NTM: variants seen among roughly 807,000 people sequenced by gnomAD.
NTM encodes the protein IgLON family member 2.
NTM carries 13 observed loss-of-function variants against 42.1 expected under a neutral mutation model. The observed-to-expected ratio is 0.31, with a 90% confidence interval of 0.20 to 0.49. The LOEUF is 0.49. NTM is among the 20% of genes least tolerant of loss of function. The pLI is 0.99. For missense variants in NTM, 373 were observed against 452.8 expected (o/e 0.82, Z 1.60); for synonymous variants, 187 against 179.2 (o/e 1.04, Z -0.35).
chr11:132,110,843 T>A (rs772409533), intron 2 of NTM, among the ~76,000 whole-genome samples: 2 of 151,812 alleles, frequency 1.3e-5, no homozygotes, highest in Admixed American at 6.6e-5. Flanking sequence ...GAGACCAGCC[T>A]GGGCAACATA....
At chr11:132,117,687 G>T (rs2064104015) in intron 2 of NTM, among the ~76,000 whole-genome samples, 1 of 152,144 alleles carries the variant, frequency 6.6e-6, no homozygotes, top group Admixed American at 6.5e-5. Context: ...GTCTGCATTG[G>T]ATTTACTCTC....
chr11:131,539,014 T>C (rs1038861174), intron 1 of NTM: 8 of 147,866 alleles, frequency 5.4e-5, no homozygotes, highest in African/African-American at 2.0e-4. Flanking sequence ...CTCACCGCAG[T>C]CTCTACCTCC....
At chr11:131,937,679 A>G (rs560832428) in intron 2 of NTM, among the ~76,000 whole-genome samples, 1 of 152,314 alleles carries the variant, frequency 6.6e-6, no homozygotes, top group African/African-American at 2.4e-5. Flanking sequence ...TTCTACACTT[A>G]ATGCCTCGGT....
At chr11:132,159,426 A>G (rs1053664570) in intron 3 of NTM, among the ~76,000 whole-genome samples, 5 of 152,214 alleles carry the variant, frequency 3.3e-5, no homozygotes, top group Admixed American at 2.6e-4. Context: ...AAGGGAAAAA[A>G]TGTGCCAGAC....
chr11:131,427,600 T>C (rs77937000), intron 1 of NTM, among the ~76,000 whole-genome samples: 2,515 of 152,306 alleles, frequency 0.017, 26 homozygotes, highest in Middle Eastern at 0.034. Flanking sequence ...TGTCCCTCGG[T>C]GTTCTACCTG....
At chr11:131,879,836 C>G (rs1366648497) in intron 1 of NTM, among the ~76,000 whole-genome samples, 1 of 152,060 alleles carries the variant, frequency 6.6e-6, no homozygotes, top group African/African-American at 2.4e-5. Flanking sequence ...CATATATAGT[C>G]TTCTTTATGT....
rs186143502 is a variant in NTM at position 132,159,920 on chromosome 11, T to C, written c.400+13406T>C. 4.6e-5 allele frequency among the ~76,000 whole-genome samples: 7 copies of C among 152,330 alleles called. No homozygotes were observed. The East Asian group carries it at 1.4e-3, about 29-fold the overall frequency. ...GCTGATTAGTAGGAACTGTGTCAAATAGGTGAGCAGGCCTGTTCTGGGTTT... is the reference window on the plus strand; with the variant it reads ...GCTGATTAGTAGGAACTGTGTCAAACAGGTGAGCAGGCCTGTTCTGGGTTT... On this transcript the variant is annotated intron_variant, in intron 3 of 8. Transcript: ENST00000683400.
chr11:131,422,637 A>T (rs920496848), intron 1 of NTM, among the ~76,000 whole-genome samples: 2 of 152,176 alleles, frequency 1.3e-5, no homozygotes, highest in Non-Finnish European at 2.9e-5. Context: ...GCACTTCTAG[A>T]CAACTATCTG....
intron 3 of NTM, among the ~76,000 whole-genome samples, chr11:132,191,646 C>CT (rs2079345856): frequency 6.6e-6 from 1 of 152,182 alleles, no homozygotes; most frequent in Non-Finnish European, 1.5e-5. Context: ...AATGATCACA[C>CT]TAGCTACCCA....
intron 1 of NTM, among the ~76,000 whole-genome samples, chr11:131,783,194 G>A (rs1308859008): frequency 6.6e-6 from 1 of 152,020 alleles, no homozygotes; most frequent in Non-Finnish European, 1.5e-5. Flanking sequence ...CAACCAATTG[G>A]AAAATTTAAT....
At chr11:132,124,307 C>G (rs557467668) in intron 2 of NTM, among the ~76,000 whole-genome samples, 2 of 152,116 alleles carry the variant, frequency 1.3e-5, no homozygotes, top group Non-Finnish European at 2.9e-5. Context: ...TCTCAGCAGC[C>G]GTGGCTGGGC....
intron 7 of NTM, among the ~76,000 whole-genome samples, chr11:132,321,448 G>T (rs1228230135): frequency 1.3e-5 from 2 of 152,042 alleles, no homozygotes; most frequent in Non-Finnish European, 2.9e-5. Context: ...TGAAATGAAT[G>T]AAATGAAGCG....
chr11:132,294,645 C>G (rs1019179067), intron 4 of NTM, among the ~76,000 whole-genome samples: 5 of 152,092 alleles, frequency 3.3e-5, no homozygotes, highest in African/African-American at 1.2e-4. Flanking sequence ...ACAGCACTGT[C>G]AATGGCAGGC....
At chr11:132,103,375 G>A (rs1026857846) in intron 2 of NTM, among the ~76,000 whole-genome samples, 2 of 152,222 alleles carry the variant, frequency 1.3e-5, no homozygotes, top group Non-Finnish European at 2.9e-5. Context: ...CTAATCTCGG[G>A]CATTTTGTTG....
chr11:131,486,979 A>G (rs1204457859), intron 1 of NTM, among the ~76,000 whole-genome samples: 1 of 152,104 alleles, frequency 6.6e-6, no homozygotes, highest in East Asian at 1.9e-4. Flanking sequence ...ACATTATCCT[A>G]TTTACTCTTT....
In NTM at chr11:132,152,640, G is replaced by A. The variant is rs533956436; in HGVS notation, c.400+6126G>A. 4.6e-5 allele frequency among the ~76,000 whole-genome samples: 7 copies of A among 152,342 alleles called. No homozygotes were observed. In the South Asian group the frequency reaches 1.5e-3, roughly 32 times the overall value. ...ACCTGCAATTGATGTACACTATCTA[G>A]ACAGCATGCAGATGAGGCAACTCTG... is the stretch of plus-strand genomic sequence containing the variant. On this transcript the variant is annotated intron_variant, in intron 3 of 8. Transcript: ENST00000683400.
chr11:131,809,759 C>T (rs1325669548), intron 1 of NTM, among the ~76,000 whole-genome samples: 7 of 152,184 alleles, frequency 4.6e-5, no homozygotes, highest in Admixed American at 4.6e-4. Flanking sequence ...TCGGCTTCCC[C>T]CTCAGTTCTT....
At chr11:131,713,889 C>A (rs908822376) in intron 1 of NTM, among the ~76,000 whole-genome samples, 2 of 152,162 alleles carry the variant, frequency 1.3e-5, no homozygotes, top group South Asian at 2.1e-4. Flanking sequence ...GAGGGCCAAG[C>A]GGGTGACTTG....
At chr11:132,111,381 CA>C (rs1349132538) in intron 2 of NTM, among the ~76,000 whole-genome samples, 1 of 151,972 alleles carries the variant, frequency 6.6e-6, no homozygotes, top group Admixed American at 6.6e-5. Context: ...AAAACAAAAA[CA>C]AAACAAGCCT....
Sources: gnomAD v4.1 joint callset for allele counts (sites outside exome capture counted in the v4.1 genomes callset) on GRCh38, gnomAD v4.1.1 for gene constraint, MANE v1.5 for transcripts, NCBI Gene and HGNC (gene_info 2026-07-23, HGNC 2026-07-21) for gene names.